NKAIN2: variants seen among roughly 807,000 people sequenced by gnomAD.
NKAIN2 encodes sodium/potassium transporting ATPase interacting 2, also known as sodium/potassium-transporting ATPase subunit beta-1-interacting protein 2.
A neutral mutation model predicts 32.6 loss-of-function variants in NKAIN2; 14 were observed. The ratio of observed to expected loss-of-function variants is 0.43; its 90% CI spans 0.28 to 0.67. The LOEUF is 0.67. Ranked by LOEUF, NKAIN2 falls within the 30% of genes least tolerant of loss-of-function variation. The pLI, the probability that NKAIN2 is intolerant of heterozygous loss-of-function variation, is 0.17. For missense variants in NKAIN2, 198 were observed against 258.3 expected, an observed-to-expected ratio of 0.77 and a Z score of 1.60; for synonymous variants, 80 against 87.2, an observed-to-expected ratio of 0.92 and a Z score of 0.46.
intron 1 of NKAIN2, among the ~76,000 whole-genome samples, chr6:123,980,018 A>T (rs1046194408): frequency 2.0e-5 from 3 of 152,202 alleles, no homozygotes; most frequent in African/African-American, 7.2e-5. Context: ...TGATTGGTTT[A>T]ATTAGTTTGT....
chr6:124,315,318 C>G (rs1373871189), intron 2 of NKAIN2, among the ~76,000 whole-genome samples: 1 of 151,906 alleles, frequency 6.6e-6, no homozygotes, highest in Non-Finnish European at 1.5e-5. Context: ...CCGATTTTTT[C>G]TAAAAGGATA....
At chr6:124,219,938 A>G (rs750029648) in intron 1 of NKAIN2, among the ~76,000 whole-genome samples, 67 of 152,190 alleles carry the variant, frequency 4.4e-4, no homozygotes, top group Non-Finnish European at 8.4e-4. Flanking sequence ...AAAAAATACT[A>G]TATGCTATTC....
In NKAIN2 at chr6:123,815,562, G is replaced by GA. The variant is rs563443588; in HGVS notation, c.54+11314dup. 1.0e-3 allele frequency among the ~76,000 whole-genome samples: 154 copies of GA among 152,054 alleles called. No homozygotes were observed. In the Middle Eastern group the frequency reaches 0.01, roughly 10 times the overall value. On this transcript the variant is annotated intron_variant, in intron 1 of 6. Coordinates refer to ENST00000368417, the MANE Select transcript of NKAIN2 (RefSeq NM_001040214.3). ...GTTTGGCATGGAATCTTGCAAATCTGAAAAAAGCTACTAACTCTCTTACCA... is the reference window on the plus strand; with the variant it reads ...GTTTGGCATGGAATCTTGCAAATCTGAAAAAAAGCTACTAACTCTCTTACCA...
At chr6:124,730,352 C>A (rs1298962207) in intron 4 of NKAIN2, among the ~76,000 whole-genome samples, 1 of 107,916 alleles carries the variant, frequency 9.3e-6, no homozygotes, top group Non-Finnish European at 1.9e-5. Context: ...GTACTGATAC[C>A]AAAACAGAGA....
At chr6:124,310,175 A>G (rs1407310518) in intron 2 of NKAIN2, among the ~76,000 whole-genome samples, 1 of 152,172 alleles carries the variant, frequency 6.6e-6, no homozygotes, top group Non-Finnish European at 1.5e-5. Context: ...ATTGAAAAGC[A>G]CATAGCTGTT....
chr6:124,204,510 G>T (rs1467173561), intron 1 of NKAIN2, among the ~76,000 whole-genome samples: 1 of 151,662 alleles, frequency 6.6e-6, no homozygotes, highest in Non-Finnish European at 1.5e-5. Context: ...TGCTTCTTTT[G>T]ATTACCACAT....
At chr6:124,757,882 T>A (rs1778039944) in intron 4 of NKAIN2, among the ~76,000 whole-genome samples, 1 of 152,146 alleles carries the variant, frequency 6.6e-6, no homozygotes, top group South Asian at 2.1e-4. Flanking sequence ...ATAAATTAAC[T>A]CCCACTTCAA....
chr6:124,317,623 A>G (rs978055253), intron 2 of NKAIN2, among the ~76,000 whole-genome samples: 10 of 152,046 alleles, frequency 6.6e-5, no homozygotes. Context: ...ATTCTTCATT[A>G]ACTTATATAC....
At chr6:124,800,545 A>G (rs1182391356) in intron 5 of NKAIN2, among the ~76,000 whole-genome samples, 1 of 152,218 alleles carries the variant, frequency 6.6e-6, no homozygotes, top group African/African-American at 2.4e-5. Context: ...TAAATAATAG[A>G]AAGTAATTAG....
intron 1 of NKAIN2, among the ~76,000 whole-genome samples, chr6:124,246,358 C>A (rs1272341278): frequency 6.6e-6 from 1 of 152,054 alleles, no homozygotes; most frequent in African/African-American, 2.4e-5. Flanking sequence ...TATCACCCAA[C>A]TTGACTCACA....
intron 3 of NKAIN2, among the ~76,000 whole-genome samples, chr6:124,472,277 G>C (rs1209092693): frequency 6.6e-6 from 1 of 152,094 alleles, no homozygotes; most frequent in Admixed American, 6.6e-5. Flanking sequence ...CAAATGATTT[G>C]TTTAGCATCT....
At chr6:124,794,742 C>T (rs1429241734) in intron 5 of NKAIN2, 2 of 236,690 alleles carry the variant, frequency 8.4e-6, no homozygotes, top group African/African-American at 2.3e-5. Context: ...GGTTCATTTA[C>T]TTGTAGTCAT....
At chr6:124,616,118 C>T (rs911308822) in intron 3 of NKAIN2, among the ~76,000 whole-genome samples, 2 of 152,078 alleles carry the variant, frequency 1.3e-5, no homozygotes, top group African/African-American at 4.8e-5. Flanking sequence ...TACTTCTCAA[C>T]ACCTGTAGTT....
intron 3 of NKAIN2, among the ~76,000 whole-genome samples, chr6:124,559,033 C>T (rs1780585424): frequency 6.6e-6 from 1 of 152,078 alleles, no homozygotes; most frequent in African/African-American, 2.4e-5. Context: ...ATTTAAGGTA[C>T]CTAATGGAAA....
chr6:123,889,854 A>T (rs1562241352), intron 1 of NKAIN2, among the ~76,000 whole-genome samples: 1 of 152,176 alleles, frequency 6.6e-6, no homozygotes, highest in African/African-American at 2.4e-5. Context: ...ATTTAAAAAT[A>T]AAACCAGAAC....
intron 3 of NKAIN2, among the ~76,000 whole-genome samples, chr6:124,386,586 A>G (rs1188742647): frequency 6.6e-6 from 1 of 152,188 alleles, no homozygotes; most frequent in Admixed American, 6.5e-5. Flanking sequence ...ATCCGGGCGC[A>G]ATGGTTTTGG....
chr6:124,736,427 A>G (rs1305900837), intron 4 of NKAIN2, among the ~76,000 whole-genome samples: 1 of 151,948 alleles, frequency 6.6e-6, no homozygotes. Flanking sequence ...TAAACAACAG[A>G]TTTTTTAATT....
rs1797412492 is a variant in NKAIN2, at chr6:124,326,399, A to ACCTCCC, written c.193-28867_193-28866insCTCCCC. Among the ~76,000 whole-genome samples, 6 of 151,998 alleles carry ACCTCCC rather than the reference A, an allele frequency of 3.9e-5. No individual in the cohort carries two copies. In the South Asian group the frequency reaches 8.3e-4, roughly 21 times the overall value. The stretch of plus-strand genomic sequence containing the variant: ...CCAAAATGTCTTTCACAGCTTCCTC[A>ACCTCCC]CTCCAGGGTTGCCTCCCCTCCTGTT... On this transcript the variant is annotated intron_variant, in intron 2 of 6. Transcript: ENST00000368417.
At chr6:124,552,511 A>T (rs1280931577) in intron 3 of NKAIN2, among the ~76,000 whole-genome samples, 1 of 152,200 alleles carries the variant, frequency 6.6e-6, no homozygotes, top group African/African-American at 2.4e-5. Flanking sequence ...GGTGTTTTAG[A>T]TGTAGAAGAG....
Sources: allele counts gnomAD v4.1 joint callset (sites outside exome capture counted in the v4.1 genomes callset), GRCh38; gene constraint gnomAD v4.1.1; transcripts MANE v1.5; gene names NCBI Gene and HGNC (gene_info 2026-07-23, HGNC 2026-07-21).